The following C12orf42 variants were observed in gnomAD, a reference collection of about 807,000 sequenced individuals.
C12orf42 encodes uncharacterized protein C12orf42.
C12orf42 carries 25 observed loss-of-function variants against 21.6 expected under a neutral mutation model. That is an observed-to-expected ratio of 1.16 (90% CI 0.84 to 1.62). C12orf42 has a LOEUF of 1.62. Among genes scored for constraint, C12orf42 ranks in the 40% most tolerant of loss-of-function variants. The pLI is 0.00. For missense variants in C12orf42, 483 were observed against 459.3 expected, an observed-to-expected ratio of 1.05 and a Z score of -0.47; for synonymous variants, 174 against 175.0, an observed-to-expected ratio of 0.99 and a Z score of 0.05.
intron 4 of C12orf42, among the ~76,000 whole-genome samples, chr12:103,295,141 T>C (rs918313545): frequency 6.6e-6 from 1 of 152,198 alleles, no homozygotes; most frequent in Admixed American, 6.5e-5. Context: ...TAGTAAAGGG[T>C]TGGAGCATTC....
the C12orf42 span, among the ~76,000 whole-genome samples, chr12:103,512,649 A>G: frequency 1.3e-5 from 2 of 152,198 alleles, no homozygotes; most frequent in South Asian, 2.1e-4. Flanking sequence ...GTGCCCTTCA[A>G]TGAGACTTTG....
intron 4 of C12orf42, among the ~76,000 whole-genome samples, chr12:103,351,944 C>T (rs1457890611): frequency 6.6e-6 from 1 of 151,878 alleles, no homozygotes; most frequent in Non-Finnish European, 1.5e-5. Context: ...CCCCTCCACC[C>T]TCTTCCTCTC....
At chr12:103,297,348 T>G (rs2037361323), downstream of C12orf42, among the ~76,000 whole-genome samples, 1 of 152,154 alleles carries the variant, frequency 6.6e-6, no homozygotes, top group Non-Finnish European at 1.5e-5. Context: ...TGCGGGCTCT[T>G]TTTTGGTTCC....
At chr12:103,225,595 A>T in the C12orf42 span, among the ~76,000 whole-genome samples, 1 of 152,114 alleles carries the variant, frequency 6.6e-6, no homozygotes, top group African/African-American at 2.4e-5. Flanking sequence ...AATGAGATAT[A>T]GCTGTAGTCC....
At chr12:103,345,607 T>C (rs1052911597) in intron 4 of C12orf42, among the ~76,000 whole-genome samples, 11 of 152,212 alleles carry the variant, frequency 7.2e-5, no homozygotes, top group African/African-American at 1.4e-4. Flanking sequence ...ATTAAATATG[T>C]AGCCAGAGCA....
At chr12:103,458,536 A>G (rs1952469942) in intron 2 of C12orf42, among the ~76,000 whole-genome samples, 1 of 152,168 alleles carries the variant, frequency 6.6e-6, no homozygotes, top group Non-Finnish European at 1.5e-5. Flanking sequence ...TCTACCTGAA[A>G]TGAATTTTCA....
chr12:103,111,507 A>AT, the C12orf42 span, among the ~76,000 whole-genome samples: 1 of 152,246 alleles, frequency 6.6e-6, no homozygotes, highest in Non-Finnish European at 1.5e-5. Context: ...CAAAGCACAC[A>AT]TGAAGAAATT....
At chr12:103,104,317 G>C in the C12orf42 span, among the ~76,000 whole-genome samples, 1 of 152,164 alleles carries the variant, frequency 6.6e-6, no homozygotes. Context: ...TATACTCCAA[G>C]ATATCAGCAT....
At chr12:103,545,834 G>A in the C12orf42 span, among the ~76,000 whole-genome samples, 1 of 152,080 alleles carries the variant, frequency 6.6e-6, no homozygotes, top group Non-Finnish European at 1.5e-5. Flanking sequence ...ACCCACCTTG[G>A]ACTGCTCACA....
chr12:103,301,783 C>G (rs141305012), downstream of C12orf42, among the ~76,000 whole-genome samples: 1 of 152,090 alleles, frequency 6.6e-6, no homozygotes, highest in Non-Finnish European at 1.5e-5. Context: ...CGTTTACCTG[C>G]GAAAGCAAAA....
intron 2 of C12orf42, among the ~76,000 whole-genome samples, chr12:103,464,226 A>C (rs1404284842): frequency 6.6e-6 from 1 of 152,046 alleles, no homozygotes; most frequent in African/African-American, 2.4e-5. Flanking sequence ...CCACAGCCTC[A>C]CCAACATCTG....
intron 1 of C12orf42, among the ~76,000 whole-genome samples, chr12:103,482,788 G>A (rs1954562518): frequency 2.0e-5 from 3 of 150,874 alleles, no homozygotes. Flanking sequence ...TATTCTTTTT[G>A]TTTATTTTTT....
chr12:103,117,033 T>G, the C12orf42 span, among the ~76,000 whole-genome samples: 1 of 152,252 alleles, frequency 6.6e-6, no homozygotes, highest in African/African-American at 2.4e-5. Context: ...ATCATTTCTT[T>G]GTGTTGGGAA....
At chr12:103,116,420 A>G in the C12orf42 span, among the ~76,000 whole-genome samples, 1 of 149,388 alleles carries the variant, frequency 6.7e-6, no homozygotes, top group South Asian at 2.1e-4. Flanking sequence ...ACATATATAT[A>G]TATAAATTTG....
the C12orf42 span, among the ~76,000 whole-genome samples, chr12:103,519,362 A>G: frequency 6.6e-6 from 1 of 152,108 alleles, no homozygotes; most frequent in African/African-American, 2.4e-5. Context: ...GTCCCAAAGC[A>G]CCAAGTTCAC....
chr12:103,473,377 C>T (rs948837740), intron 2 of C12orf42, among the ~76,000 whole-genome samples: 2 of 152,136 alleles, frequency 1.3e-5, no homozygotes, highest in African/African-American at 4.8e-5. Flanking sequence ...ATTGCAGAGC[C>T]ATTTGATAGG....
chr12:103,479,325 G>A (rs1954294582), intron 1 of C12orf42, among the ~76,000 whole-genome samples: 1 of 152,032 alleles, frequency 6.6e-6, no homozygotes. Context: ...CAATCAATAG[G>A]AAGTTAAGGC....
At chr12:103,295,823 A>T (rs2037231094) in intron 4 of C12orf42, among the ~76,000 whole-genome samples, 1 of 152,116 alleles carries the variant, frequency 6.6e-6, no homozygotes, top group African/African-American at 2.4e-5. Context: ...TCCCCAAGTT[A>T]TCCTTTGCAG....
intron 4 of C12orf42, among the ~76,000 whole-genome samples, chr12:103,283,935 G>C (rs1163857678): frequency 6.6e-6 from 1 of 152,202 alleles, no homozygotes; most frequent in Non-Finnish European, 1.5e-5. Flanking sequence ...TACATATTTT[G>C]TTCAAAGACC....
Sources: gnomAD v4.1 joint callset for allele counts (sites outside exome capture counted in the v4.1 genomes callset) on GRCh38, gnomAD v4.1.1 for gene constraint, MANE v1.5 for transcripts, NCBI Gene and HGNC (gene_info 2026-07-23, HGNC 2026-07-21) for gene names.